The following TP63 variants were observed in gnomAD, a reference collection of about 807,000 sequenced individuals.
TP63 encodes tumor protein 63.
A neutral mutation model predicts 82.8 loss-of-function variants in TP63; 17 were observed. The ratio of observed to expected loss-of-function variants is 0.21; its 90% CI spans 0.14 to 0.31. TP63 has a LOEUF of 0.31. Among genes scored for constraint, TP63 ranks in the 10% least tolerant of loss-of-function variants. The pLI, the probability that TP63 is intolerant of heterozygous loss-of-function variation, is 1.00. For synonymous variants in TP63, 330 were observed against 321.7 expected, an observed-to-expected ratio of 1.03 and a Z score of -0.28; for missense variants, 648 against 895.3, an observed-to-expected ratio of 0.72 and a Z score of 3.52.
chr3:189,808,581 A>G lies in TP63; in HGVS notation c.579+55A>G. 1.9e-6 allele frequency: 3 copies of G among 1,608,056 alleles called. No homozygotes were observed. In the South Asian group the frequency reaches 3.3e-5, roughly 18 times the overall value. On this transcript the variant is annotated intron_variant, in intron 4 of 13. Coordinates refer to ENST00000264731, the MANE Select transcript of TP63 (RefSeq NM_003722.5). ...CCCCCCAAGTCCAAGGATGGGCTTC[A>G]CCACGTCCCAGGGATTTCTCCCCCT...
rs564881127 is a variant in TP63 at position 189,868,833 on chromosome 3, C to T, written c.1129+117C>T. On this transcript the variant is annotated intron_variant, in intron 8 of 13. Coordinates refer to ENST00000264731, the MANE Select transcript of TP63 (RefSeq NM_003722.5). ...CTGTGACCTTCAGCAGCAAGTGGGA[C>T]GTCAGCCCTCAGAGCCAGTGAGAAT... 9.1e-5 allele frequency: 139 copies of T among 1,526,096 alleles called. 2 individuals carry two copies. The South Asian group carries it at 1.1e-3, about 12-fold the overall frequency. 94.5% of individuals were successfully genotyped at this position (1,526,096 alleles called of 1,614,324 possible).
At chr3:189,686,734 T>A (rs1460706768) in intron 1 of TP63, among the ~76,000 whole-genome samples, 2 of 144,760 alleles carry the variant, frequency 1.4e-5, no homozygotes, top group Non-Finnish European at 3.1e-5. Context: ...GGGCAGGGTT[T>A]TTTTTTTTTT....
chr3:189,677,532 A>G (rs1429316592), intron 1 of TP63, among the ~76,000 whole-genome samples: 1 of 151,458 alleles, frequency 6.6e-6, no homozygotes, highest in Non-Finnish European at 1.5e-5. Flanking sequence ...GATCTCTGCT[A>G]TTGTGAATAG....
At chr3:189,748,003 A>G (rs749651590) in intron 3 of TP63, among the ~76,000 whole-genome samples, 5 of 152,072 alleles carry the variant, frequency 3.3e-5, no homozygotes, top group Non-Finnish European at 7.4e-5. Flanking sequence ...AAGGTTGAAT[A>G]AGGAATAAAT....
intron 1 of TP63, among the ~76,000 whole-genome samples, chr3:189,650,859 G>A (rs6772378): frequency 0.38 from 55,511 of 145,838 alleles, 13,885 homozygotes; most frequent in East Asian, 0.48. Flanking sequence ...GGACTCAGAC[G>A]AAGACAGGAA....
At chr3:189,878,425 G>C (rs1405675061) in intron 10 of TP63, among the ~76,000 whole-genome samples, 2 of 111,954 alleles carry the variant, frequency 1.8e-5, no homozygotes, top group Non-Finnish European at 3.4e-5. Flanking sequence ...GTCTTGCTCT[G>C]TCACCCAGGC....
chr3:189,684,575 T>A (rs1479129320), intron 1 of TP63, among the ~76,000 whole-genome samples: 1 of 151,988 alleles, frequency 6.6e-6, no homozygotes, highest in Non-Finnish European at 1.5e-5. Flanking sequence ...ATGATGCCTA[T>A]TAGTGATGTC....
At chr3:189,702,075 A>G (rs1404096150) in intron 1 of TP63, among the ~76,000 whole-genome samples, 4 of 152,144 alleles carry the variant, frequency 2.6e-5, no homozygotes, top group Non-Finnish European at 5.9e-5. Context: ...AATTCTTAAC[A>G]CTAGCCCTGG....
At chr3:189,833,200 A>G (rs1440607353) in intron 4 of TP63, among the ~76,000 whole-genome samples, 1 of 152,132 alleles carries the variant, frequency 6.6e-6, no homozygotes, top group African/African-American at 2.4e-5. Context: ...TCCCTCTTCT[A>G]TCTATGACAA....
intron 4 of TP63, among the ~76,000 whole-genome samples, chr3:189,846,902 C>T (rs1471621825): frequency 1.3e-5 from 2 of 151,026 alleles, no homozygotes; most frequent in Non-Finnish European, 2.9e-5. Context: ...AGGCTGGTCT[C>T]GAACTGCTGA....
Position 189,631,574 on chromosome 3 carries a change from A to T in TP63, c.59A>T (p.Gln20Leu). Residue 20 changes from glutamine (Q) to leucine (L), a missense_variant, in exon 1 of 14, where the codon CAG (glutamine) becomes CTG (leucine). Gln to Leu is a moderately radical substitution (Grantham distance 113). Around this residue, in one of 5 missense-constraint regions of TP63, gnomAD observed 182 missense variants for 213.6 expected, o/e 0.85. Transcript: ENST00000264731. ...TLQYCPDPYI[Q>L]RFVETPAHFS... Reference sequence around the variant, plus strand: ...CAGTACTGCCCTGACCCTTACATCCAGCGGTGAGTTTGAATGTGACATAAC... The same window carrying T: ...CAGTACTGCCCTGACCCTTACATCCTGCGGTGAGTTTGAATGTGACATAAC... 6.2e-7 allele frequency: 1 copy of T among 1,612,850 alleles called. No homozygotes were observed.
intron 4 of TP63, among the ~76,000 whole-genome samples, chr3:189,860,641 G>A (rs183996512): frequency 2.0e-5 from 3 of 152,284 alleles, no homozygotes; most frequent in African/African-American, 7.2e-5. Context: ...ATGCATCTTG[G>A]CTGTGGTCAG....
intron 1 of TP63, among the ~76,000 whole-genome samples, chr3:189,736,275 C>T (rs2108793265): frequency 6.6e-6 from 1 of 151,868 alleles, no homozygotes; most frequent in East Asian, 1.9e-4. Context: ...TAAGTTTCTT[C>T]TTACCTCTCT....
the TP63 span, among the ~76,000 whole-genome samples, chr3:189,611,658 A>G: frequency 6.6e-6 from 1 of 152,130 alleles, no homozygotes. Context: ...TTCTACTTTG[A>G]TGAAGAATGT....
chr3:189,848,602 CAT>C (rs1158645316), intron 4 of TP63, among the ~76,000 whole-genome samples: 3 of 152,126 alleles, frequency 2.0e-5, no homozygotes, highest in African/African-American at 4.8e-5. Context: ...GTAATAGAAA[CAT>C]AGAACCAAGC....
At chr3:189,808,082 C>A (rs1727113203) in intron 3 of TP63, among the ~76,000 whole-genome samples, 190 bp from the exon 4 acceptor site, 1 of 152,208 alleles carries the variant, frequency 6.6e-6, no homozygotes, top group African/African-American at 2.4e-5. Flanking sequence ...AAAGCCGTTA[C>A]AAACACACAC....
intron 4 of TP63, among the ~76,000 whole-genome samples, chr3:189,845,487 C>T (rs1351257850): frequency 6.6e-6 from 1 of 152,076 alleles, no homozygotes; most frequent in East Asian, 1.9e-4. Context: ...AAAAATCTAT[C>T]AAAAATGTTA....
intron 1 of TP63, among the ~76,000 whole-genome samples, chr3:189,694,784 TACAGCC>T (rs1282785325): frequency 7.3e-6 from 1 of 137,698 alleles, no homozygotes; most frequent in Non-Finnish European, 1.6e-5. Flanking sequence ...GGCCAGTATT[TACAGCC>T]TTTTTTTTTT....
intron 4 of TP63, among the ~76,000 whole-genome samples, chr3:189,830,882 A>C (rs1308206933): frequency 6.6e-6 from 1 of 152,252 alleles, no homozygotes; most frequent in Non-Finnish European, 1.5e-5. Context: ...AATAAACCTC[A>C]CCTATAAGGT....
Sources: allele counts gnomAD v4.1 joint callset (sites outside exome capture counted in the v4.1 genomes callset), GRCh38; gene constraint gnomAD v4.1.1; regional missense constraint gnomAD v4.1.1; transcripts MANE v1.5; gene names NCBI Gene and HGNC (gene_info 2026-07-23, HGNC 2026-07-21).